The following LRRC4C variants were observed in gnomAD, a reference collection of about 807,000 sequenced individuals.
LRRC4C encodes the protein leucine-rich repeat-containing protein 4C.
LRRC4C carries 5 observed loss-of-function variants against 33.6 expected under a neutral mutation model. That is an observed-to-expected ratio of 0.15 (90% confidence interval 0.08 to 0.31). The LOEUF (loss-of-function observed/expected upper bound fraction) is 0.31, where lower values mean the gene tolerates loss of function less well. LRRC4C is among the 10% of genes least tolerant of loss of function. The probability of loss-of-function intolerance (pLI) is 1.00; values close to 1 mark genes in which losing one functional copy is unlikely to be tolerated. For missense variants in LRRC4C, 560 were observed against 796.7 expected, an observed-to-expected ratio of 0.70 and a Z score of 3.58; for synonymous variants, 329 against 302.0, an observed-to-expected ratio of 1.09 and a Z score of -0.93.
intron 1 of LRRC4C, among the ~76,000 whole-genome samples, chr11:41,060,975 C>T (rs1937717843): frequency 6.6e-6 from 1 of 151,890 alleles, no homozygotes; most frequent in Non-Finnish European, 1.5e-5. Flanking sequence ...CCTGGATGTT[C>T]CCCGCCCCTT....
intron 1 of LRRC4C, among the ~76,000 whole-genome samples, chr11:41,123,425 A>G (rs1590669746): frequency 6.7e-6 from 1 of 149,676 alleles, no homozygotes; most frequent in Non-Finnish European, 1.5e-5. Flanking sequence ...GGCGCCCGCC[A>G]CTACGCCCGG....
intron 2 of LRRC4C, among the ~76,000 whole-genome samples, chr11:40,876,990 C>T (rs1257001995): frequency 6.6e-6 from 1 of 151,494 alleles, no homozygotes; most frequent in South Asian, 2.1e-4. Context: ...AGCTATCTCA[C>T]TTTTGTGAGT....
At chr11:40,672,887 C>T (rs376199746) in intron 2 of LRRC4C, among the ~76,000 whole-genome samples, 35 of 152,094 alleles carry the variant, frequency 2.3e-4, no homozygotes, top group East Asian at 1.2e-3. Context: ...TTCACCTTCA[C>T]GTTGTTTGAT....
intron 3 of LRRC4C, among the ~76,000 whole-genome samples, chr11:40,609,997 C>A (rs1400339982): frequency 4.0e-5 from 6 of 151,800 alleles, no homozygotes; most frequent in Non-Finnish European, 8.8e-5. Context: ...TCCTTAAATT[C>A]GTCCAAAAAA....
intron 2 of LRRC4C, among the ~76,000 whole-genome samples, chr11:40,760,439 A>T (rs182362541): frequency 1.3e-5 from 2 of 152,006 alleles, no homozygotes; most frequent in Non-Finnish European, 2.9e-5. Flanking sequence ...TTTGCTGACA[A>T]CTGCAAAATC....
intron 3 of LRRC4C, among the ~76,000 whole-genome samples, chr11:40,552,208 A>G (rs898001886): frequency 6.6e-6 from 1 of 152,180 alleles, no homozygotes; most frequent in Admixed American, 6.5e-5. Context: ...ATTTTTCTGG[A>G]GAATCCTGAC....
chr11:40,369,558 G>A (rs902860380), intron 3 of LRRC4C, among the ~76,000 whole-genome samples: 4 of 152,140 alleles, frequency 2.6e-5, no homozygotes, highest in Admixed American at 6.5e-5. Context: ...GGCTGGTCTC[G>A]AACTCCTGAC....
At chr11:40,577,977 G>A (rs372713138) in intron 3 of LRRC4C, among the ~76,000 whole-genome samples, 1 of 150,928 alleles carries the variant, frequency 6.6e-6, no homozygotes, top group Non-Finnish European at 1.5e-5. Flanking sequence ...TGGGACTACA[G>A]GTACCCTCCA....
chr11:41,139,532 C>A (rs568621232), intron 1 of LRRC4C, among the ~76,000 whole-genome samples: 2 of 152,170 alleles, frequency 1.3e-5, no homozygotes, highest in African/African-American at 4.8e-5. Context: ...AGTGAGAAAG[C>A]GTAAATTTAG....
At chr11:40,431,712 T>C (rs558353682) in intron 3 of LRRC4C, among the ~76,000 whole-genome samples, 1 of 152,308 alleles carries the variant, frequency 6.6e-6, no homozygotes, top group East Asian at 1.9e-4. Flanking sequence ...ATCATGCTTT[T>C]CTCATAGCAA....
chr11:40,856,263 A>G (rs1458957697), intron 2 of LRRC4C, among the ~76,000 whole-genome samples: 1 of 152,320 alleles, frequency 6.6e-6, no homozygotes, highest in African/African-American at 2.4e-5. Flanking sequence ...AACAGTTTGG[A>G]TACATAGCTA....
chr11:40,931,655 G>T (rs566758330), intron 2 of LRRC4C, among the ~76,000 whole-genome samples: 4 of 133,912 alleles, frequency 3.0e-5, no homozygotes, highest in Non-Finnish European at 6.5e-5. Context: ...GGATAAAGGG[G>T]TGTGTATGTG....
Position 40,855,964 on chromosome 11 carries a change from T to C in LRRC4C, c.-407+77671A>G, listed in dbSNP as rs529121760. ...TTTCTATTATTATTAATTTACTTCA[T>C]ATATTTTTTCCTTAGGTAGACAAAG... On this transcript the variant is annotated intron_variant, in intron 2 of 6. Transcript: ENST00000528697. Among the ~76,000 whole-genome samples, 37 of 152,092 alleles carry C rather than the reference T, an allele frequency of 2.4e-4. No individual in the cohort carries two copies. In the South Asian group the frequency reaches 7.2e-3, roughly 30 times the overall value.
At chr11:40,197,375 A>T (rs1012018480) in intron 5 of LRRC4C, among the ~76,000 whole-genome samples, 20 of 152,308 alleles carry the variant, frequency 1.3e-4, no homozygotes, top group Admixed American at 5.2e-4. Flanking sequence ...TTTATTTACT[A>T]ACAGATAATC....
intron 3 of LRRC4C, among the ~76,000 whole-genome samples, chr11:40,520,684 C>G: frequency 6.6e-6 from 1 of 152,002 alleles, no homozygotes; most frequent in African/African-American, 2.4e-5. Context: ...AAATGTGACA[C>G]AAAGAAGTGA....
At chr11:41,063,621 C>A (rs1937965959) in intron 1 of LRRC4C, among the ~76,000 whole-genome samples, 1 of 152,048 alleles carries the variant, frequency 6.6e-6, no homozygotes, top group Non-Finnish European at 1.5e-5. Flanking sequence ...CTGAAGAGAG[C>A]ATAACATTGA....
chr11:40,391,097 G>T (rs892204609), intron 3 of LRRC4C, among the ~76,000 whole-genome samples: 1 of 152,078 alleles, frequency 6.6e-6, no homozygotes, highest in Non-Finnish European at 1.5e-5. Context: ...GGCCAGGCTG[G>T]TCTTGAACTC....
chr11:40,504,406 C>A (rs1231291769), intron 3 of LRRC4C, among the ~76,000 whole-genome samples: 1 of 151,958 alleles, frequency 6.6e-6, no homozygotes, highest in African/African-American at 2.4e-5. Context: ...CATAATTATC[C>A]ATCCTCAGTT....
chr11:40,229,358 C>T (rs951204600), intron 5 of LRRC4C, among the ~76,000 whole-genome samples: 13 of 151,998 alleles, frequency 8.6e-5, no homozygotes, highest in African/African-American at 2.7e-4. Flanking sequence ...CTGCAACTTC[C>T]GCCTCCCGGG....
Sources: gnomAD v4.1 joint callset for allele counts (sites outside exome capture counted in the v4.1 genomes callset) on GRCh38, gnomAD v4.1.1 for gene constraint, MANE v1.5 for transcripts, NCBI Gene and HGNC (gene_info 2026-07-23, HGNC 2026-07-21) for gene names.